The following MEGF11 variants were observed in gnomAD, a reference collection of about 807,000 sequenced individuals.
MEGF11 encodes the protein multiple epidermal growth factor-like domains protein 11.
MEGF11 carries 126 observed loss-of-function variants against 146.6 expected under a neutral mutation model. That is an observed-to-expected ratio of 0.86 (90% CI 0.74 to 1.00). MEGF11 has a LOEUF of 1.00. MEGF11 is among the 50% of genes least tolerant of loss of function. The pLI is 0.00. For synonymous variants in MEGF11, 532 were observed against 583.4 expected, an observed-to-expected ratio of 0.91 and a Z score of 1.27; for missense variants, 1,509 against 1,521.2, an observed-to-expected ratio of 0.99 and a Z score of 0.13.
At chr15:66,092,294 A>T (rs936751893) in intron 5 of MEGF11, among the ~76,000 whole-genome samples, 2 of 152,212 alleles carry the variant, frequency 1.3e-5, no homozygotes, top group African/African-American at 4.8e-5. Context: ...TGAAGGTGAG[A>T]ATCTATGAAT....
At chr15:65,986,580 G>A (rs1184413924) in intron 5 of MEGF11, among the ~76,000 whole-genome samples, 1 of 152,090 alleles carries the variant, frequency 6.6e-6, no homozygotes, top group Non-Finnish European at 1.5e-5. Context: ...AGCAATGACA[G>A]AGAAATGAGG....
intron 5 of MEGF11, among the ~76,000 whole-genome samples, chr15:66,016,338 G>A (rs2082884086): frequency 1.3e-5 from 2 of 152,180 alleles, no homozygotes; most frequent in Admixed American, 1.3e-4. Flanking sequence ...TGCCATCAGA[G>A]AGCAGCAGCC....
At chr15:66,215,577 T>G (rs1196848106) in intron 1 of MEGF11, among the ~76,000 whole-genome samples, 1 of 152,188 alleles carries the variant, frequency 6.6e-6, no homozygotes, top group East Asian at 1.9e-4. Context: ...GATCAAGGTT[T>G]TATCTGTACC....
At chr15:66,192,001 C>T (rs2090895271) in intron 1 of MEGF11, among the ~76,000 whole-genome samples, 1 of 152,076 alleles carries the variant, frequency 6.6e-6, no homozygotes, top group African/African-American at 2.4e-5. Flanking sequence ...TTGCTTGAAC[C>T]CAGGAGGCGG....
rs72742862 is a variant in MEGF11, at chr15:65,987,803, T to A, written c.395-5315A>T. Reference sequence around the variant, plus strand: ...TTGGCTCACTGCAACCTCCACCTCCTGGGTTCAAAGGATTCTCCTGCCTCA... The same window carrying A: ...TTGGCTCACTGCAACCTCCACCTCCAGGGTTCAAAGGATTCTCCTGCCTCA... On this transcript the variant is annotated intron_variant, in intron 5 of 25. Coordinates refer to ENST00000395614, the MANE Select transcript of MEGF11 (RefSeq NM_001385028.1). 2.0e-5 allele frequency among the ~76,000 whole-genome samples: 3 copies of A among 149,230 alleles called. No individual in the cohort carries two copies. In the East Asian group the frequency reaches 5.9e-4, roughly 29 times the overall value.
In MEGF11 at chr15:66,094,385, C is replaced by G; in HGVS notation, c.394+17G>C. On this transcript the variant is annotated intron_variant, in intron 5 of 25. Transcript: ENST00000395614. ...TCAGAGCCAGGGTGCCTCCTGACCCCCAAACCCCAGACTCACCGCTGGAGC... is the reference window on the plus strand; with the variant it reads ...TCAGAGCCAGGGTGCCTCCTGACCCGCAAACCCCAGACTCACCGCTGGAGC... The G allele has an allele frequency of 6.4e-7, 1 of 1,551,256 alleles. No homozygotes were observed. The highest frequency in any genetic ancestry group is 8.7e-7 in the Non-Finnish European group (1 of 1,146,696).
Position 65,928,540 on chromosome 15 carries a change from CAG to C in MEGF11, c.1573-15_1573-14del, listed in dbSNP as rs748068712. On this transcript the variant is annotated splice_polypyrimidine_tract_variant and intron_variant, in intron 12 of 25. Coordinates refer to ENST00000395614, the MANE Select transcript of MEGF11 (RefSeq NM_001385028.1). ...CAAATGTGCCATCCTGTGGAGAAGACAGGGAGAGAAAAATGATCAGACCCAAA... is the reference window on the plus strand; with the variant it reads ...CAAATGTGCCATCCTGTGGAGAAGACGGAGAGAAAAATGATCAGACCCAAA... 3.8e-6 allele frequency: 6 copies of C among 1,566,962 alleles called. No homozygotes were observed. The highest frequency in any genetic ancestry group is 5.2e-6 in the Non-Finnish European group (6 of 1,149,538).
intron 1 of MEGF11, among the ~76,000 whole-genome samples, chr15:66,184,660 T>C (rs1280515393): frequency 7.3e-6 from 1 of 136,320 alleles, no homozygotes; most frequent in Non-Finnish European, 1.5e-5. Flanking sequence ...GCCTCCCACC[T>C]ACTCCCCCTC....
intron 1 of MEGF11, among the ~76,000 whole-genome samples, chr15:66,235,681 G>T (rs888513926): frequency 1.6e-4 from 24 of 152,216 alleles, no homozygotes; most frequent in African/African-American, 5.8e-4. Context: ...TCAGAGCAGT[G>T]ATGTTCTCTA....
chr15:66,127,474 G>A (rs867215451), intron 2 of MEGF11, among the ~76,000 whole-genome samples: 2 of 152,212 alleles, frequency 1.3e-5, no homozygotes, highest in Non-Finnish European at 2.9e-5. Context: ...TGGGCATGAA[G>A]CACGGACCCC....
chr15:65,901,935 C>G (rs1203193818), intron 24 of MEGF11: 4 of 151,876 alleles, frequency 2.6e-5, no homozygotes, highest in Admixed American at 2.6e-4. Context: ...AGTCAGGACT[C>G]AACCCCTGTC....
chr15:65,969,522 C>G (rs1028791998), intron 8 of MEGF11, among the ~76,000 whole-genome samples: 2 of 152,152 alleles, frequency 1.3e-5, no homozygotes, highest in Non-Finnish European at 2.9e-5. Context: ...TAAAAGACTT[C>G]CAGCTGGAGG....
chr15:66,005,672 T>C lies in MEGF11; in HGVS notation c.395-23184A>G, dbSNP rs111453447. Among the ~76,000 whole-genome samples the C allele has an allele frequency of 5.2e-3, 787 of 152,072 alleles. 5 individuals are homozygous for C. The highest frequency in any genetic ancestry group is 0.018 in the African/African-American group (745 of 41,464). ...TTGCAAGCATCACGGACTTTCAGAG[T>C]GGAGGTGGGCAGTGACATATCTTAG... On this transcript the variant is annotated intron_variant, in intron 5 of 25. Coordinates refer to ENST00000395614, the MANE Select transcript of MEGF11 (RefSeq NM_001385028.1).
intron 5 of MEGF11, among the ~76,000 whole-genome samples, chr15:66,016,229 T>A (rs2082880886): frequency 6.6e-6 from 1 of 152,214 alleles, no homozygotes; most frequent in Admixed American, 6.5e-5. Context: ...TTTCTTTCAA[T>A]GATCAATTAG....
intron 7 of MEGF11, among the ~76,000 whole-genome samples, chr15:65,976,614 C>T (rs1175327833): frequency 6.6e-6 from 1 of 152,226 alleles, no homozygotes; most frequent in Admixed American, 6.5e-5. Context: ...TTTCAGCCTT[C>T]AGAACTGTGA....
At chr15:65,913,495 C>G (rs2078882642) in intron 20 of MEGF11, 1 of 588,660 alleles carries the variant, frequency 1.7e-6, no homozygotes, top group African/African-American at 1.9e-5. Context: ...TAGGGAAGCT[C>G]TGGGAAAATG....
intron 5 of MEGF11, among the ~76,000 whole-genome samples, chr15:66,032,300 C>G (rs2083553794): frequency 6.6e-6 from 1 of 152,286 alleles, no homozygotes; most frequent in South Asian, 2.1e-4. Context: ...CAATAGAAAA[C>G]AGACTGTGAC....
chr15:65,934,981 C>G (rs566115229), intron 10 of MEGF11, among the ~76,000 whole-genome samples: 1 of 152,030 alleles, frequency 6.6e-6, no homozygotes, highest in Non-Finnish European at 1.5e-5. Context: ...TTAATTGAAC[C>G]CAGGGAGGGA....
chr15:66,236,338 A>G (rs1459460931), intron 1 of MEGF11, among the ~76,000 whole-genome samples: 2 of 152,104 alleles, frequency 1.3e-5, no homozygotes, highest in Non-Finnish European at 2.9e-5. Flanking sequence ...GCAATGGGAA[A>G]CTGTTAAAGG....
Sources: allele counts gnomAD v4.1 joint callset (sites outside exome capture counted in the v4.1 genomes callset), GRCh38; gene constraint gnomAD v4.1.1; transcripts MANE v1.5; gene names NCBI Gene and HGNC (gene_info 2026-07-23, HGNC 2026-07-21).